Variants in NPAT observed in about 807,000 individuals in gnomAD.
The protein encoded by NPAT is protein NPAT.
A neutral mutation model predicts 130.7 loss-of-function variants in NPAT; 52 were observed. The ratio of observed to expected loss-of-function variants is 0.40; its 90% CI spans 0.32 to 0.50. The LOEUF (loss-of-function observed/expected upper bound fraction) is 0.50, where lower values mean the gene tolerates loss of function less well. Among genes scored for constraint, NPAT ranks in the 20% least tolerant of loss-of-function variants. NPAT has a pLI of 0.68. For synonymous variants in NPAT, 580 were observed against 584.8 expected (o/e 0.99, Z 0.12); for missense variants, 1,687 against 1,662.6 (o/e 1.01, Z -0.26).
chr11:108,166,881 G>A (rs1277502933), intron 15 of NPAT, among the ~76,000 whole-genome samples: 1 of 152,102 alleles, frequency 6.6e-6, no homozygotes, highest in Non-Finnish European at 1.5e-5. Flanking sequence ...TCTTTACACT[G>A]TTAAATTTTC....
intron 12 of NPAT, among the ~76,000 whole-genome samples, chr11:108,175,148 T>C (rs1050400664): frequency 2.0e-5 from 3 of 152,218 alleles, no homozygotes; most frequent in African/African-American, 7.2e-5. Flanking sequence ...TGAGGAAGAC[T>C]ACATTCACAT....
At chr11:108,170,095 CA>C in intron 13 of NPAT, 52 bp from the exon 14 acceptor site, 1 of 1,094,046 alleles carries the variant, frequency 9.1e-7, no homozygotes, top group Non-Finnish European at 1.4e-6. Context: ...TGTTTTGGCA[CA>C]AAACAAACAA....
rs537289067 is a variant in NPAT at position 108,161,743 on chromosome 11, T to C, written c.3343A>G (p.Ile1115Val). ...GGAGGCTTCTCTTTCTCTCTTTTGA[T>C]AGCATTATTAGAAGGGGGTTTTAAG... ...STLKPPSNNA[I>V]KREKEKPPLP... The change falls in exon 17 of 18, where the codon ATC becomes GTC. Residue 1115 changes from isoleucine to valine, a missense_variant. Physicochemically the swap from Ile to Val is conservative, Grantham distance 29. Around this residue, in one of 3 missense-constraint regions of NPAT, gnomAD observed 1,379 missense variants for 1,346.6 expected, o/e 1.02. Coordinates refer to ENST00000278612, the MANE Select transcript of NPAT (RefSeq NM_002519.3). The C allele has an allele frequency of 2.7e-5, 43 of 1,613,818 alleles. No individual in the cohort carries two copies. Among genetic ancestry groups the C allele is most frequent in the Admixed American group, 5.0e-5 (3 of 60,026 alleles).
intron 15 of NPAT, among the ~76,000 whole-genome samples, chr11:108,165,038 G>T (rs774641540): frequency 1.6e-4 from 24 of 151,986 alleles, no homozygotes; most frequent in Admixed American, 3.3e-4. Context: ...TAAATAAGGA[G>T]TGGAAAGGAT....
chr11:108,189,928 T>G (rs1333164197), intron 5 of NPAT, among the ~76,000 whole-genome samples: 1 of 150,800 alleles, frequency 6.6e-6, no homozygotes, highest in Non-Finnish European at 1.5e-5. Flanking sequence ...AATTAAAACA[T>G]TCTACATGAG....
intron 8 of NPAT, among the ~76,000 whole-genome samples, chr11:108,185,834 A>C (rs2078102356): frequency 6.6e-6 from 1 of 152,188 alleles, no homozygotes; most frequent in African/African-American, 2.4e-5. Flanking sequence ...AGTTCAAGCA[A>C]TTCTTGTGCC....
intron 5 of NPAT, among the ~76,000 whole-genome samples, chr11:108,189,849 G>A (rs1048555026): frequency 4.3e-5 from 6 of 138,840 alleles, no homozygotes; most frequent in Non-Finnish European, 7.6e-5. Flanking sequence ...CAGCCTGGGC[G>A]ACAGAGCGAG....
Position 108,158,916 on chromosome 11 carries a change from C to G in NPAT, c.*26G>C, listed in dbSNP as rs1280151876. The G allele has an allele frequency of 7.2e-7, 1 of 1,398,430 alleles. No homozygotes were observed. Among genetic ancestry groups the G allele is most frequent in the Non-Finnish European group, 1.0e-6 (1 of 986,964 alleles). The allele number at this position is 1,398,430 out of a possible 1,614,324, so 86.6% of individuals were successfully genotyped here. Reference sequence around the variant, plus strand: ...TTTAAGGGATATGAGTTTTTAACACCTACTGTTCTTATGTGTCCAGAATGT... The same window carrying G: ...TTTAAGGGATATGAGTTTTTAACACGTACTGTTCTTATGTGTCCAGAATGT... On this transcript the variant is annotated 3_prime_UTR_variant, in exon 18 of 18. Transcript: ENST00000278612.
chr11:108,196,965 T>C (rs1439100369), intron 2 of NPAT, among the ~76,000 whole-genome samples: 1 of 151,916 alleles, frequency 6.6e-6, no homozygotes, highest in Non-Finnish European at 1.5e-5. Context: ...CAATAATATA[T>C]CAAAATATCT....
At chr11:108,196,733 A>G (rs577006407) in intron 2 of NPAT, among the ~76,000 whole-genome samples, 1 of 152,208 alleles carries the variant, frequency 6.6e-6, no homozygotes, top group Non-Finnish European at 1.5e-5. Context: ...TACGGAATAT[A>G]ATGGATTTGT....
At chr11:108,191,858 A>G (rs1207283542) in intron 4 of NPAT, among the ~76,000 whole-genome samples, 3 of 152,216 alleles carry the variant, frequency 2.0e-5, no homozygotes, top group South Asian at 4.1e-4. Flanking sequence ...TTCTAACAAT[A>G]TATCTGCCTT....
rs1243460901 is a variant in NPAT, at chr11:108,189,234, A to T, written c.428T>A (p.Leu143His). The change falls in exon 6 of 18, where the codon CTT (leucine) becomes CAT (histidine). Residue 143 changes from leucine (L) to histidine (H), a missense_variant. By Grantham distance (99) the Leu-to-His change is moderately conservative. This residue lies in a region of NPAT where 307 missense variants were observed against 298.9 expected (regional missense o/e 1.03). Coordinates refer to ENST00000278612, the MANE Select transcript of NPAT (RefSeq NM_002519.3). ...ASAELLTLPY[L>H]SGQFTTPPST... ...AGGAGGAGTGGTAAACTGTCCTGAA[A>T]GGTAAGGTAAAGTGAGCAACTCTGC... 1 of 1,614,194 alleles carries T rather than the reference A, an allele frequency of 6.2e-7. No individual in the cohort carries two copies. The highest frequency in any genetic ancestry group is 2.2e-5 in the East Asian group (1 of 44,878).
intron 11 of NPAT, 64 bp downstream of exon 11, chr11:108,176,930 G>A: frequency 9.6e-7 from 1 of 1,040,598 alleles, no homozygotes; most frequent in Non-Finnish European, 1.5e-6. Flanking sequence ...ATTCACTCTG[G>A]TTAAGTTACC....
chr11:108,176,201 A>G (rs758378611), intron 12 of NPAT, 45 bp downstream of exon 12: 1 of 1,372,874 alleles, frequency 7.3e-7, no homozygotes, highest in East Asian at 2.3e-5. Flanking sequence ...TTTGAGACTA[A>G]TATTAAGATT....
chr11:108,194,874 A>T (rs979901591), intron 2 of NPAT, among the ~76,000 whole-genome samples: 2 of 148,212 alleles, frequency 1.3e-5, no homozygotes, highest in Non-Finnish European at 3.0e-5. Flanking sequence ...CCCAGGCTGG[A>T]GTGCAGTGGC....
At chr11:108,204,378 C>T (rs763306746) in intron 1 of NPAT, among the ~76,000 whole-genome samples, 3 of 89,212 alleles carry the variant, frequency 3.4e-5, no homozygotes, top group Non-Finnish European at 6.7e-5. Context: ...CTCAGCAACA[C>T]GTGGGGTTAC....
intron 15 of NPAT, among the ~76,000 whole-genome samples, chr11:108,169,237 T>C (rs2134830205): frequency 6.6e-6 from 1 of 152,242 alleles, no homozygotes; most frequent in South Asian, 2.1e-4. Context: ...AGGAAGGTAA[T>C]TTGCAAACTT....
intron 1 of NPAT, chr11:108,208,294 C>A: frequency 3.1e-6 from 1 of 326,050 alleles, no homozygotes; most frequent in South Asian, 2.2e-5. Flanking sequence ...AAGATAATGA[C>A]AAAAAAGGTC....
At chr11:108,162,551 C>G (rs549460112) in intron 15 of NPAT, among the ~76,000 whole-genome samples, 46 of 152,290 alleles carry the variant, frequency 3.0e-4, no homozygotes, top group South Asian at 1.7e-3. Context: ...CTGCCTCAGC[C>G]TCCCGAGTAG....
Sources: allele counts gnomAD v4.1 joint callset (sites outside exome capture counted in the v4.1 genomes callset), GRCh38; gene constraint gnomAD v4.1.1; regional missense constraint gnomAD v4.1.1; transcripts MANE v1.5; gene names NCBI Gene and HGNC (gene_info 2026-07-23, HGNC 2026-07-21).